PCDHGB3: variants seen among roughly 807,000 people sequenced by gnomAD.
The protein encoded by PCDHGB3 is protocadherin gamma-B3.
Under a neutral mutation model 59.2 loss-of-function variants are expected in PCDHGB3, and 40 were observed. The observed-to-expected ratio is 0.68, with a 90% confidence interval of 0.52 to 0.88. The LOEUF (loss-of-function observed/expected upper bound fraction) is 0.88, where lower values mean the gene tolerates loss of function less well. PCDHGB3 is among the 40% of genes least tolerant of loss of function. PCDHGB3 has a pLI of 0.00. For synonymous variants in PCDHGB3, 581 were observed against 503.6 expected (o/e 1.15, Z -2.06); for missense variants, 1,309 against 1,187.9 (o/e 1.10, Z -1.50).
At chr5:141,417,789 C>G in intron 1 of PCDHGB3, 1 of 1,477,596 alleles carries the variant, frequency 6.8e-7, no homozygotes, top group Non-Finnish European at 9.0e-7. Context: ...GGGCCGAATG[C>G]TCTTTTAGCG....
intron 1 of PCDHGB3, chr5:141,417,819 C>T: frequency 3.3e-6 from 5 of 1,513,202 alleles, no homozygotes; most frequent in Non-Finnish European, 3.5e-6. Flanking sequence ...GCACTTTCTC[C>T]AACTGGAAAA....
intron 1 of PCDHGB3, chr5:141,411,324 C>T (rs1171274674): frequency 1.3e-5 from 2 of 152,166 alleles, no homozygotes; most frequent in Admixed American, 6.5e-5. Context: ...AATCACAGCA[C>T]TTTGATAGGC....
chr5:141,384,134 G>A (rs746106528), intron 1 of PCDHGB3: 1 of 1,611,962 alleles, frequency 6.2e-7, no homozygotes, highest in Admixed American at 1.7e-5. Flanking sequence ...AACTTGGACC[G>A]GGAAACACTC....
At chr5:141,389,537 C>T in intron 1 of PCDHGB3, 2 of 1,613,216 alleles carry the variant, frequency 1.2e-6, no homozygotes, top group Non-Finnish European at 8.5e-7. Context: ...TGTTAGTGGA[C>T]GACCGCAACG....
At chr5:141,454,047 T>C (rs896373946) in intron 1 of PCDHGB3, among the ~76,000 whole-genome samples, 6 of 152,122 alleles carry the variant, frequency 3.9e-5, no homozygotes, top group African/African-American at 7.2e-5. Flanking sequence ...AAGATAAAAG[T>C]GCAGCAAAGA....
At position 141,433,030 on chromosome 5, in the gene PCDHGB3, T is replaced by C. The variant is rs116611363; in HGVS notation, c.2415+60221T>C. ...TCCTGCAGACCTATTCCCACGAGGTTTCCCTCACCACGGACTCGCGGAAGA... is the reference window on the plus strand; with the variant it reads ...TCCTGCAGACCTATTCCCACGAGGTCTCCCTCACCACGGACTCGCGGAAGA... On this transcript the variant is annotated intron_variant, in intron 1 of 3. Transcript: ENST00000576222. 10,352 of 1,614,096 alleles carry C rather than the reference T, an allele frequency of 6.4e-3. 43 individuals are homozygous for C. The highest frequency in any genetic ancestry group is 8.6e-3 in the Middle Eastern group (52 of 6,062).
At chr5:141,459,874 A>G (rs922438277) in intron 1 of PCDHGB3, among the ~76,000 whole-genome samples, 10 of 152,156 alleles carry the variant, frequency 6.6e-5, no homozygotes, top group African/African-American at 2.4e-4. Flanking sequence ...TTCATCTTTA[A>G]CTGAGCTGAA....
At chr5:141,481,913 C>CAAAAAA (rs34114744) in intron 1 of PCDHGB3, among the ~76,000 whole-genome samples, 2 of 90,846 alleles carry the variant, frequency 2.2e-5, no homozygotes, top group Non-Finnish European at 4.4e-5. Flanking sequence ...AACTCCATCT[C>CAAAAAA]AAAAAAAAAA....
chr5:141,398,183 T>C, intron 1 of PCDHGB3: 1 of 1,477,856 alleles, frequency 6.8e-7, no homozygotes, highest in South Asian at 1.4e-5. Flanking sequence ...GTGCTCTTTC[T>C]CTTCCTGCTG....
chr5:141,431,799 T>A lies in PCDHGB3; in HGVS notation c.2415+58990T>A. 6.2e-7 allele frequency: 1 copy of A among 1,614,228 alleles called. No homozygotes were observed. The highest frequency in any genetic ancestry group is 8.5e-7 in the Non-Finnish European group (1 of 1,180,036). On this transcript the variant is annotated intron_variant, in intron 1 of 3. Transcript: ENST00000576222. This position sits in a 1 kb window ranked among gnomAD's most constrained non-coding sequence, Gnocchi z 4.8. ...GACGTGAACGACAATGCCCCAGAAG[T>A]GGTCCTCACCTCTCTCGCCAGCTCG...
chr5:141,378,136 C>T (rs1774655700), intron 1 of PCDHGB3: 1 of 152,158 alleles, frequency 6.6e-6, no homozygotes, highest in Admixed American at 6.5e-5. Context: ...TTGACATCAC[C>T]ATTATTATAA....
At chr5:141,408,914 A>C in intron 1 of PCDHGB3, 1 of 1,613,446 alleles carries the variant, frequency 6.2e-7, no homozygotes, top group Non-Finnish European at 8.5e-7. Context: ...TACCAATGAT[A>C]ACCCCCCGGT....
At chr5:141,417,129 T>C (rs887933624) in intron 1 of PCDHGB3, 2 of 152,218 alleles carry the variant, frequency 1.3e-5, no homozygotes, top group South Asian at 2.1e-4. Context: ...TGGATGATGG[T>C]AATGACTAGG....
At chr5:141,457,719 G>T (rs1437841051) in intron 1 of PCDHGB3, among the ~76,000 whole-genome samples, 1 of 152,226 alleles carries the variant, frequency 6.6e-6, no homozygotes, top group Non-Finnish European at 1.5e-5. Context: ...GTTCCACAAG[G>T]AATTTCAGAT....
intron 1 of PCDHGB3, chr5:141,419,434 G>A (rs372006900): frequency 2.5e-5 from 41 of 1,613,112 alleles, no homozygotes; most frequent in Non-Finnish European, 3.3e-5. Flanking sequence ...ACGAGCAGCT[G>A]CGCACCTTCG....
At chr5:141,420,699 C>T (rs2096518531) in intron 1 of PCDHGB3, among the ~76,000 whole-genome samples, 1 of 152,236 alleles carries the variant, frequency 6.6e-6, no homozygotes, top group African/African-American at 2.4e-5. Context: ...ATTATTTCCA[C>T]TTCCAGAAAT....
At position 141,370,593 on chromosome 5, in the gene PCDHGB3, C is replaced by T. The variant is rs373364003; in HGVS notation, c.199C>T (p.Arg67Trp). Residue 67 changes from arginine (R) to tryptophan (W), a missense_variant, in exon 1 of 4, where the codon CGG becomes TGG. Coordinates refer to ENST00000576222, the MANE Select transcript of PCDHGB3 (RefSeq NM_018924.5). ...GVGDLPTRNL[R>W]VIAEKKFFTV... ...GGGGGATTTACCTACTAGGAACCTG[C>T]GGGTTATTGCAGAGAAGAAATTCTT... is the stretch of plus-strand genomic sequence containing the variant. 26 of 1,613,708 alleles carry T rather than the reference C, an allele frequency of 1.6e-5. No homozygotes were observed. The African/African-American group carries it at 2.8e-4, about 17-fold the overall frequency.
chr5:141,405,599 A>G, intron 1 of PCDHGB3: 2 of 575,638 alleles, frequency 3.5e-6, no homozygotes, highest in South Asian at 4.5e-5. Flanking sequence ...CCTCCCAAGT[A>G]GAATAACTGG....
chr5:141,458,578 TG>T, intron 1 of PCDHGB3, among the ~76,000 whole-genome samples: 1 of 152,138 alleles, frequency 6.6e-6, no homozygotes. Context: ...TTTGTTTGTT[TG>T]TTTGTTTTGG....
Sources: gnomAD v4.1 joint callset for allele counts (sites outside exome capture counted in the v4.1 genomes callset) on GRCh38, gnomAD v4.1.1 for gene constraint, Gnocchi (gnomAD v3.1) non-coding constraint, MANE v1.5 for transcripts, NCBI Gene and HGNC (gene_info 2026-07-23, HGNC 2026-07-21) for gene names.